Variants in USP24 observed in about 807,000 individuals in gnomAD.
USP24 encodes the protein ubiquitin specific peptidase 24, also known as ubiquitin carboxyl-terminal hydrolase 24.
In USP24, 97 loss-of-function variants were observed where a neutral mutation model predicts 361.6. The observed-to-expected ratio is 0.27, with a 90% CI of 0.23 to 0.32. The LOEUF (loss-of-function observed/expected upper bound fraction) is 0.32, where lower values mean the gene tolerates loss of function less well. Among genes scored for constraint, USP24 ranks in the 10% least tolerant of loss-of-function variants. The pLI is 1.00. For missense variants in USP24, 2,353 were observed against 3,165.6 expected, an observed-to-expected ratio of 0.74 and a Z score of 6.16; for synonymous variants, 1,098 against 1,124.6, an observed-to-expected ratio of 0.98 and a Z score of 0.47.
At position 55,125,392 on chromosome 1, in the gene USP24, T is replaced by C; in HGVS notation, c.3888A>G (p.Arg1296=). ...LCGTPEKSSY[R]QLSVSDRSSI... ...AAGACCTATCAGACACGGACAACTG[T>C]CGGTAGGATGACTTTTCTGGGGTAC... The change falls in exon 34 of 68, where the codon CGA becomes CGG. Residue 1296 remains arginine (R), a synonymous_variant. Transcript: ENST00000294383. 6.2e-7 allele frequency: 1 copy of C among 1,613,962 alleles called. No individual in the cohort carries two copies. Among genetic ancestry groups the C allele is most frequent in the Non-Finnish European group, 8.5e-7 (1 of 1,179,872 alleles).
At chr1:55,142,031 G>C (rs1212966219) in intron 23 of USP24, among the ~76,000 whole-genome samples, 1 of 151,960 alleles carries the variant, frequency 6.6e-6, no homozygotes, top group African/African-American at 2.4e-5. Context: ...TCGAATACTT[G>C]AATTTTTTTT....
chr1:55,166,054 C>A, intron 6 of USP24, 104 bp from the exon 7 acceptor site: 2 of 984,612 alleles, frequency 2.0e-6, no homozygotes, highest in South Asian at 4.6e-5. Context: ...ATGGGGCACA[C>A]GAGATGTTTT....
At chr1:55,124,087 T>C (rs1434344341) in intron 35 of USP24, among the ~76,000 whole-genome samples, 1 of 152,208 alleles carries the variant, frequency 6.6e-6, no homozygotes, top group African/African-American at 2.4e-5. Flanking sequence ...TAAAGCTATA[T>C]TTTAAAGAGG....
chr1:55,108,162 G>A (rs890617842), intron 39 of USP24, among the ~76,000 whole-genome samples: 1 of 152,190 alleles, frequency 6.6e-6, no homozygotes, highest in African/African-American at 2.4e-5. Context: ...AGGGAGGGCT[G>A]AGTTCTGCAA....
chr1:55,107,434 A>G lies in USP24; in HGVS notation c.4571-4T>C. The G allele has an allele frequency of 8.9e-6, 14 of 1,572,046 alleles. No individual in the cohort carries two copies. Among genetic ancestry groups the G allele is most frequent in the Non-Finnish European group, 1.1e-5 (13 of 1,163,184 alleles). On this transcript the variant is annotated splice_region_variant and splice_polypyrimidine_tract_variant and intron_variant, in intron 39 of 67. Coordinates refer to ENST00000294383, the MANE Select transcript of USP24 (RefSeq NM_015306.3). Reference sequence around the variant, plus strand: ...CTTAACTGCTCCATTTCTGAAGCTAAGAAGGAAAAAAAAAATCCATTACAA... The same window carrying G: ...CTTAACTGCTCCATTTCTGAAGCTAGGAAGGAAAAAAAAAATCCATTACAA...
intron 31 of USP24, 43 bp from the exon 32 acceptor site, chr1:55,129,617 G>T: frequency 6.6e-7 from 1 of 1,518,628 alleles, no homozygotes; most frequent in Non-Finnish European, 9.1e-7. Context: ...CACATTTTCA[G>T]CAGAAATTAC....
Position 55,138,925 on chromosome 1 carries a change from A to T in USP24, c.2817+19T>A, listed in dbSNP as rs770974530. ...TCCAGCCTAAGCAACATACATCTTA[A>T]AAAAAGGAAGTGGCTTACCTCTATA... On this transcript the variant is annotated intron_variant, in intron 25 of 67. Transcript: ENST00000294383. 1 of 1,608,914 alleles carries T rather than the reference A, an allele frequency of 6.2e-7. No individual in the cohort carries two copies. Among genetic ancestry groups the T allele is most frequent in the Non-Finnish European group, 8.5e-7 (1 of 1,177,830 alleles).
At chr1:55,121,330 G>T in intron 37 of USP24, 106 bp downstream of exon 37, 1 of 975,096 alleles carries the variant, frequency 1.0e-6, no homozygotes, top group Non-Finnish European at 1.5e-6. Flanking sequence ...CTCCCTGAGA[G>T]CACTCAATGC....
At chr1:55,195,031 C>T (rs1304821993) in intron 1 of USP24, among the ~76,000 whole-genome samples, 1 of 147,102 alleles carries the variant, frequency 6.8e-6, no homozygotes, top group East Asian at 2.0e-4. Flanking sequence ...CAAAACAAAA[C>T]AAAACGAAAA....
intron 63 of USP24, 113 bp from the exon 64 acceptor site, chr1:55,074,019 A>G: frequency 1.2e-6 from 1 of 808,256 alleles, no homozygotes; most frequent in Non-Finnish European, 1.9e-6. Context: ...ATAAACAGAT[A>G]AGGAACAACT....
intron 38 of USP24, among the ~76,000 whole-genome samples, chr1:55,119,042 C>T (rs1005814045): frequency 1.3e-5 from 2 of 152,180 alleles, no homozygotes; most frequent in Admixed American, 6.5e-5. Context: ...CACAGAATTA[C>T]TAAATGATCT....
chr1:55,070,484 G>A (rs548923935), intron 67 of USP24, among the ~76,000 whole-genome samples: 3 of 152,302 alleles, frequency 2.0e-5, no homozygotes, highest in South Asian at 2.1e-4. Flanking sequence ...CGCCAGGAGC[G>A]CTAGATGCTG....
At chr1:55,191,459 G>A (rs1015231789) in intron 1 of USP24, among the ~76,000 whole-genome samples, 1 of 150,232 alleles carries the variant, frequency 6.7e-6, no homozygotes, top group Non-Finnish European at 1.5e-5. Context: ...CTAAGGCTTA[G>A]TATTTACTTA....
chr1:55,071,307 T>C, intron 67 of USP24: 1 of 990,782 alleles, frequency 1.0e-6, no homozygotes, highest in Non-Finnish European at 1.2e-6. Context: ...TACATATTTA[T>C]TTTCTTTTTC....
At position 55,107,241 on chromosome 1, in the gene USP24, A is replaced by G. The variant is rs1645800912; in HGVS notation, c.4760T>C (p.Leu1587Pro). 2 of 1,610,360 alleles carry G rather than the reference A, an allele frequency of 1.2e-6. No homozygotes were observed. Among genetic ancestry groups the G allele is most frequent in the African/African-American group, 2.7e-5 (2 of 74,796 alleles). ...LSLCGAEKEM[L>P]GSSLIKPLLD... ...TGATAAGATGGAGCAATAATTACCA[A>G]GCATTTCCTTTTCTGCCCCACAGAG... Residue 1587 changes from leucine to proline, a missense_variant and splice_region_variant, in exon 40 of 68, where the codon CTT becomes CCT. This residue lies in a region of USP24 where 949 missense variants were observed against 1,280.5 expected (regional missense o/e 0.74). Coordinates refer to ENST00000294383, the MANE Select transcript of USP24 (RefSeq NM_015306.3).
chr1:55,107,865 A>AAAAC lies in USP24; in HGVS notation c.4571-436_4571-435insGTTT, dbSNP rs1379674224. Among the ~76,000 whole-genome samples, 87 of 147,076 alleles carry AAAAC rather than the reference A, an allele frequency of 5.9e-4. 1 individual carries two copies. The highest frequency in any genetic ancestry group is 9.9e-4 in the East Asian group (5 of 5,056). ...TCAAAAAAAAAAAAAAAAAAAAAAA[A>AAAAC]ACACACAAAAACCCCACAAAACTGT... is the stretch of plus-strand genomic sequence containing the variant. On this transcript the variant is annotated intron_variant, in intron 39 of 67. Transcript: ENST00000294383.
chr1:55,172,210 A>G (rs1271130522), intron 4 of USP24, among the ~76,000 whole-genome samples, 167 bp downstream of exon 4: 1 of 152,232 alleles, frequency 6.6e-6, no homozygotes, highest in East Asian at 1.9e-4. Context: ...TTTCAAACTG[A>G]GAACACAAGA....
chr1:55,074,677 A>AATAC (rs1256502995), intron 63 of USP24, among the ~76,000 whole-genome samples: 3 of 150,860 alleles, frequency 2.0e-5, no homozygotes, highest in East Asian at 3.9e-4. Context: ...TAAATAAATA[A>AATAC]ATAAAAATAA....
At chr1:55,165,235 G>A (rs894341003) in intron 7 of USP24, among the ~76,000 whole-genome samples, 4 of 152,074 alleles carry the variant, frequency 2.6e-5, no homozygotes, top group African/African-American at 9.7e-5. Flanking sequence ...AGCAGATAGC[G>A]CAGTGTCTTA....
Sources: allele counts gnomAD v4.1 joint callset (sites outside exome capture counted in the v4.1 genomes callset), GRCh38; gene constraint gnomAD v4.1.1; regional missense constraint gnomAD v4.1.1; transcripts MANE v1.5; gene names NCBI Gene and HGNC (gene_info 2026-07-23, HGNC 2026-07-21).